TET3: variants seen among roughly 807,000 people sequenced by gnomAD.
The protein encoded by TET3 is methylcytosine dioxygenase TET3.
TET3 carries 19 observed loss-of-function variants against 141.4 expected under a neutral mutation model. The ratio of observed to expected loss-of-function variants is 0.13; its 90% CI spans 0.09 to 0.20. TET3 has a LOEUF of 0.20. Among genes scored for constraint, TET3 ranks in the 10% least tolerant of loss-of-function variants. The probability of loss-of-function intolerance (pLI) is 1.00; values close to 1 mark genes in which losing one functional copy is unlikely to be tolerated. For synonymous variants in TET3, 1,043 were observed against 980.9 expected, an observed-to-expected ratio of 1.06 and a Z score of -1.18; for missense variants, 1,874 against 2,356.9, an observed-to-expected ratio of 0.80 and a Z score of 4.24.
chr2:74,130,836 G>A, the TET3 span: 2 of 152,272 alleles, frequency 1.3e-5, no homozygotes, highest in African/African-American at 4.8e-5. Flanking sequence ...AGGCCACGTC[G>A]GGCCTGCCCG....
intron 2 of TET3, among the ~76,000 whole-genome samples, chr2:74,002,525 C>T (rs978436827): frequency 6.6e-6 from 1 of 152,006 alleles, no homozygotes; most frequent in Admixed American, 6.5e-5. Flanking sequence ...TGCCGGGGAG[C>T]GGCACGGCGG....
chr2:74,118,863 CTG>C, the TET3 span, among the ~76,000 whole-genome samples: 1 of 152,196 alleles, frequency 6.6e-6, no homozygotes, highest in African/African-American at 2.4e-5. Context: ...ACCCAGGAAA[CTG>C]ATATATTATC....
In TET3 at chr2:74,093,138, T is replaced by A. The variant is rs1021705421; in HGVS notation, c.3129+147T>A. 2 of 773,200 alleles carry A rather than the reference T, an allele frequency of 2.6e-6. No individual in the cohort carries two copies. The highest frequency in any genetic ancestry group is 3.5e-5 in the African/African-American group (2 of 56,714). The allele number at this position is 773,200 out of a possible 1,614,324, so 47.9% of individuals were successfully genotyped here. A position where few individuals can be genotyped will look rare whatever the true frequency, so the allele number is the denominator to read the frequency against. On this transcript the variant is annotated intron_variant, in intron 9 of 11. Coordinates refer to ENST00000409262, the MANE Select transcript of TET3 (RefSeq NM_001287491.2). This position sits in a 1 kb window ranked among gnomAD's most constrained non-coding sequence, Gnocchi z 4.2. ...AGTAAAGCGATATGATGTGGTTCTT[T>A]GATAAAAACCCCTTTTTTACACCAG...
chr2:74,029,826 C>T (rs1413295867), intron 3 of TET3, among the ~76,000 whole-genome samples: 1 of 152,148 alleles, frequency 6.6e-6, no homozygotes, highest in Non-Finnish European at 1.5e-5. Context: ...TGTAGTATGC[C>T]TTTGATATCC....
At chr2:74,088,679 T>C (rs1690296413) in intron 7 of TET3, among the ~76,000 whole-genome samples, 1 of 151,996 alleles carries the variant, frequency 6.6e-6, no homozygotes, top group African/African-American at 2.4e-5. Flanking sequence ...TCAGAGTTTT[T>C]CCCATTTTTA....
intron 5 of TET3, among the ~76,000 whole-genome samples, chr2:74,077,777 C>T (rs1465686742): frequency 6.6e-6 from 1 of 152,214 alleles, no homozygotes; most frequent in Non-Finnish European, 1.5e-5. Flanking sequence ...CCTCAGCTCA[C>T]CCTCCTGCGA....
chr2:74,134,932 G>A, the TET3 span: 168 of 351,956 alleles, frequency 4.8e-4, 3 homozygotes, highest in East Asian at 0.012. Context: ...CAAGTTCAGG[G>A]CAGGTCCATC....
At chr2:73,999,714 A>C (rs572184259) in intron 2 of TET3, among the ~76,000 whole-genome samples, 1 of 152,268 alleles carries the variant, frequency 6.6e-6, no homozygotes, top group East Asian at 1.9e-4. Context: ...AGGGGTTCCA[A>C]GTACCTGTGA....
Position 74,101,116 on chromosome 2 carries a change from G to C in TET3, c.4328G>C (p.Ser1443Thr), listed in dbSNP as rs368988033. The change falls in exon 12 of 12, where the codon AGC (serine) becomes ACC (threonine). Residue 1443 changes from serine (S) to threonine (T), a missense_variant. Coordinates refer to ENST00000409262, the MANE Select transcript of TET3 (RefSeq NM_001287491.2). This position sits in a 1 kb window ranked among gnomAD's most constrained non-coding sequence, Gnocchi z 8.5. The stretch of plus-strand genomic sequence containing the variant: ...TGGGGACAGTACTCAGGAGGCCCAA[G>C]CATGTCCCCCAAGAGGACTAACGGT... ...HLWGQYSGGP[S>T]MSPKRTNGVG... The C allele has an allele frequency of 1.2e-6, 2 of 1,613,670 alleles. No individual in the cohort carries two copies. Among genetic ancestry groups the C allele is most frequent in the African/African-American group, 2.7e-5 (2 of 75,068 alleles).
At position 74,093,046 on chromosome 2, in the gene TET3, A is replaced by C; in HGVS notation, c.3129+55A>C. The C allele has an allele frequency of 4.7e-6, 7 of 1,486,392 alleles. No individual in the cohort carries two copies. The highest frequency in any genetic ancestry group is 2.0e-5 in the Admixed American group (1 of 50,518). 92.1% of individuals were successfully genotyped at this position (1,486,392 alleles called of 1,614,324 possible). On this transcript the variant is annotated intron_variant, in intron 9 of 11. Coordinates refer to ENST00000409262, the MANE Select transcript of TET3 (RefSeq NM_001287491.2). This position sits in a 1 kb window ranked among gnomAD's most constrained non-coding sequence, Gnocchi z 4.2. Reference sequence around the variant, plus strand: ...CATGTCACCGTCCACATCTCTGCTCAGGCTCTGAAGGTGGGAAGTGGGAGA... The same window carrying C: ...CATGTCACCGTCCACATCTCTGCTCCGGCTCTGAAGGTGGGAAGTGGGAGA...
chr2:74,128,175 T>C, the TET3 span, among the ~76,000 whole-genome samples: 8 of 152,124 alleles, frequency 5.3e-5, no homozygotes, highest in Non-Finnish European at 1.0e-4. Flanking sequence ...TGTCCATAAC[T>C]CAAGGCATTT....
downstream of TET3, among the ~76,000 whole-genome samples, chr2:74,109,542 G>A (rs1211693412): frequency 1.3e-5 from 2 of 152,172 alleles, no homozygotes; most frequent in African/African-American, 4.8e-5. Flanking sequence ...AACATCCCAA[G>A]TTGTTGCAAT....
Position 74,104,889 on chromosome 2 carries a change from G to A in TET3, c.*2713G>A, listed in dbSNP as rs543846886. On this transcript the variant is annotated 3_prime_UTR_variant, in exon 12 of 12. Transcript: ENST00000409262. ...TCTCCATTGGATGTCCCCACTCCCC[G>A]CAGAATGGCGTTTCCAGAGTTAGGC... is the stretch of plus-strand genomic sequence containing the variant. The A allele has an allele frequency of 9.6e-5, 30 of 313,370 alleles. 1 individual carries two copies. Among genetic ancestry groups the A allele is most frequent in the South Asian group, 3.2e-4 (2 of 6,242 alleles). 19.4% of individuals were successfully genotyped at this position (313,370 alleles called of 1,614,324 possible).
rs1487417987 is a variant in TET3, at chr2:74,102,804, C to G, written c.*628C>G. On this transcript the variant is annotated 3_prime_UTR_variant, in exon 12 of 12. Transcript: ENST00000409262. Reference sequence around the variant, plus strand: ...CACCCCTTCCCTTTGGGGAAGGGAGCCTCAGGACAGCTTCTGTCCTCTCTG... The same window carrying G: ...CACCCCTTCCCTTTGGGGAAGGGAGGCTCAGGACAGCTTCTGTCCTCTCTG... 2.6e-5 allele frequency: 4 copies of G among 152,140 alleles called. No individual in the cohort carries two copies. Among genetic ancestry groups the G allele is most frequent in the Admixed American group, 6.5e-5 (1 of 15,278 alleles). The allele number at this position is 152,140 out of a possible 1,614,324, so 9.4% of individuals were successfully genotyped here.
At chr2:74,038,210 G>A (rs1395807489) in intron 3 of TET3, among the ~76,000 whole-genome samples, 1 of 152,184 alleles carries the variant, frequency 6.6e-6, no homozygotes, top group African/African-American at 2.4e-5. Flanking sequence ...ACTGGGGTTG[G>A]CGATGCTGTA....
intron 3 of TET3, among the ~76,000 whole-genome samples, chr2:74,025,454 ATTTT>A (rs1391182085): frequency 1.3e-5 from 2 of 151,286 alleles, no homozygotes; most frequent in Non-Finnish European, 3.0e-5. Context: ...CGCCCGGCTA[ATTTT>A]TTGTATTTTC....
intron 3 of TET3, among the ~76,000 whole-genome samples, chr2:74,045,765 CT>C (rs1051617000): frequency 6.6e-6 from 1 of 152,208 alleles, no homozygotes; most frequent in Non-Finnish European, 1.5e-5. Context: ...TGGGTCCCCA[CT>C]AGGAAGCCAT....
intron 4 of TET3, among the ~76,000 whole-genome samples, chr2:74,067,415 T>G (rs1688967396): frequency 6.6e-6 from 1 of 152,246 alleles, no homozygotes; most frequent in African/African-American, 2.4e-5. Context: ...TTATGTTATG[T>G]GCCAAATACT....
intron 8 of TET3, among the ~76,000 whole-genome samples, chr2:74,090,704 C>T (rs1032527291): frequency 6.6e-5 from 10 of 152,202 alleles, no homozygotes; most frequent in Admixed American, 3.9e-4. Flanking sequence ...CTGTGGGGGC[C>T]GGAGCATCTG....
Sources: allele counts gnomAD v4.1 joint callset (sites outside exome capture counted in the v4.1 genomes callset), GRCh38; gene constraint gnomAD v4.1.1; non-coding constraint Gnocchi (gnomAD v3.1); transcripts MANE v1.5; gene names NCBI Gene and HGNC (gene_info 2026-07-23, HGNC 2026-07-21).